NRG4: variants seen among roughly 807,000 people sequenced by gnomAD.
NRG4 encodes neuregulin 4, also known as pro-neuregulin-4, membrane-bound isoform.
NRG4 carries 10 observed loss-of-function variants against 15.0 expected under a neutral mutation model. The ratio of observed to expected loss-of-function variants is 0.67; its 90% CI spans 0.41 to 1.13. The LOEUF (loss-of-function observed/expected upper bound fraction) is 1.13. Ranked by LOEUF, NRG4 falls within the 50% of genes most tolerant of loss-of-function variation. NRG4 has a pLI of 0.00. For missense variants in NRG4, 139 were observed against 140.2 expected, an observed-to-expected ratio of 0.99 and a Z score of 0.04; for synonymous variants, 41 against 50.1, an observed-to-expected ratio of 0.82 and a Z score of 0.77.
At chr15:76,034,071 C>A (rs1247963642) in intron 5 of NRG4, among the ~76,000 whole-genome samples, 1 of 152,202 alleles carries the variant, frequency 6.6e-6, no homozygotes, top group African/African-American at 2.4e-5. Flanking sequence ...AGAAAGACAA[C>A]CCTACTGTCT....
chr15:76,059,369 C>G (rs1397744925), intron 1 of NRG4, among the ~76,000 whole-genome samples: 1 of 152,234 alleles, frequency 6.6e-6, no homozygotes, highest in Non-Finnish European at 1.5e-5. Context: ...GCAGCGGGCA[C>G]TGCGTGCCAT....
At chr15:75,969,102 C>T (rs1193336456) in intron 3 of NRG4, 2 of 442,246 alleles carry the variant, frequency 4.5e-6, no homozygotes, top group Admixed American at 4.9e-5. Context: ...CAGTTCTCAA[C>T]AGACAGTATT....
At chr15:76,058,958 C>T (rs74024076) in intron 1 of NRG4, among the ~76,000 whole-genome samples, 265 of 152,142 alleles carry the variant, frequency 1.7e-3, no homozygotes, top group African/African-American at 6.1e-3. Context: ...CCAGATTGCT[C>T]AGTGGTTCCG....
intron 3 of NRG4, among the ~76,000 whole-genome samples, chr15:75,970,444 G>A (rs1595969866): frequency 6.6e-6 from 1 of 152,016 alleles, no homozygotes; most frequent in East Asian, 1.9e-4. Context: ...TCCACCTATC[G>A]AAGACTGGGG....
chr15:76,044,509 G>A lies in NRG4; in HGVS notation c.-105+7558C>T, dbSNP rs560058789. Among the ~76,000 whole-genome samples the A allele has an allele frequency of 1.0e-4, 15 of 150,428 alleles. No individual in the cohort carries two copies. In the South Asian group the frequency reaches 2.9e-3, roughly 29 times the overall value. Reference sequence around the variant, plus strand: ...ACTATGAAACTACTAAAAAAAATTGGGGAAACTCTCTAGGACATTGGAGTG... The same window carrying A: ...ACTATGAAACTACTAAAAAAAATTGAGGAAACTCTCTAGGACATTGGAGTG... On this transcript the variant is annotated intron_variant, in intron 4 of 8. Coordinates refer to the NRG4 transcript ENST00000563910.
At chr15:76,007,721 G>T (rs771832690) in intron 3 of NRG4, among the ~76,000 whole-genome samples, 1 of 152,058 alleles carries the variant, frequency 6.6e-6, no homozygotes, top group Non-Finnish European at 1.5e-5. Context: ...GAGCCACCGC[G>T]CCCAACCTAA....
chr15:75,998,914 G>A (rs2034306443), intron 3 of NRG4, among the ~76,000 whole-genome samples: 1 of 152,078 alleles, frequency 6.6e-6, no homozygotes, highest in Admixed American at 6.6e-5. Context: ...TGATTCTAAA[G>A]TTCATATGGA....
Position 76,022,117 on chromosome 15 carries a change from T to G in NRG4, c.-56-10831A>C, listed in dbSNP as rs915721670. ...CCTGCTGCTCACCTGCTGTGTGGCCTGGTTCCTAATAGGCCACAGTCTGGT... is the reference window on the plus strand; with the variant it reads ...CCTGCTGCTCACCTGCTGTGTGGCCGGGTTCCTAATAGGCCACAGTCTGGT... On this transcript the variant is annotated intron_variant, in intron 5 of 8. Coordinates refer to the NRG4 transcript ENST00000563910. Among the ~76,000 whole-genome samples, 4 of 152,202 alleles carry G rather than the reference T, an allele frequency of 2.6e-5. 1 individual carries two copies. Among genetic ancestry groups the G allele is most frequent in the Admixed American group, 1.3e-4 (2 of 15,282 alleles).
chr15:75,961,690 C>A, intron 4 of NRG4, 138 bp downstream of exon 4: 1 of 611,048 alleles, frequency 1.6e-6, no homozygotes, highest in Admixed American at 2.7e-5. Context: ...AAATTAGTAA[C>A]AAAAACTGTA....
intron 3 of NRG4, among the ~76,000 whole-genome samples, chr15:75,989,133 C>G (rs548022778): frequency 5.9e-5 from 9 of 152,252 alleles, no homozygotes; most frequent in African/African-American, 1.9e-4. Context: ...GATTTGATTA[C>G]AGGCATGAGC....
intron 4 of NRG4, among the ~76,000 whole-genome samples, chr15:76,051,002 T>G (rs1476973581): frequency 1.4e-5 from 2 of 146,818 alleles, no homozygotes; most frequent in Non-Finnish European, 3.0e-5. Flanking sequence ...TATTTATTTA[T>G]TTATTTTTAT....
In NRG4 at chr15:76,007,861, C is replaced by CTTT. The variant is rs1567107174; in HGVS notation, c.104+1338_104+1339insAAA. ...TTGTGAGTTGTATTCAAAGGTGACA[C>CTTT]CTTTCTTCTTCCCAGCTATATGACC... On this transcript the variant is annotated intron_variant, in intron 3 of 5. Transcript: ENST00000394907. Among the ~76,000 whole-genome samples, 279 of 152,282 alleles carry CTTT rather than the reference C, an allele frequency of 1.8e-3. 6 individuals are homozygous for CTTT. The highest frequency in any genetic ancestry group is 6.1e-3 in the African/African-American group (254 of 41,564).
upstream of NRG4, among the ~76,000 whole-genome samples, chr15:76,017,177 T>TTG (rs1555437531): frequency 7.2e-6 from 1 of 137,946 alleles, no homozygotes; most frequent in South Asian, 2.3e-4. Context: ...TTTTTTTTTT[T>TTG]GCTTTCCATT....
intron 3 of NRG4, among the ~76,000 whole-genome samples, chr15:76,006,926 T>C (rs2034626499): frequency 6.6e-6 from 1 of 152,168 alleles, no homozygotes; most frequent in African/African-American, 2.4e-5. Flanking sequence ...AGTATACAGA[T>C]AGATATTAAG....
At position 76,025,256 on chromosome 15, in the gene NRG4, G is replaced by A. The variant is rs140714424; in HGVS notation, c.-57+10688C>T. Among the ~76,000 whole-genome samples the A allele has an allele frequency of 3.6e-3, 550 of 151,944 alleles. 3 individuals are homozygous for A. Among genetic ancestry groups the A allele is most frequent in the African/African-American group, 0.012 (508 of 41,442 alleles). On this transcript the variant is annotated intron_variant, in intron 5 of 8. Transcript: ENST00000563910. The stretch of plus-strand genomic sequence containing the variant: ...AGATCGAGACCATCCTGGCTAACAC[G>A]GTGAAACCCCGTCTCTATTAAAAAT...
chr15:75,943,758 C>T (rs528460153), intron 5 of NRG4, 104 bp from the exon 6 acceptor site: 6 of 752,436 alleles, frequency 8.0e-6, no homozygotes, highest in African/African-American at 5.4e-5. Flanking sequence ...TATAAGCCAA[C>T]CCCTTCTGTT....
intron 3 of NRG4, among the ~76,000 whole-genome samples, chr15:75,986,307 C>T (rs73449072): frequency 2.0e-5 from 3 of 152,130 alleles, no homozygotes. Context: ...TATGCATATA[C>T]CCTTTGACCC....
chr15:76,040,305 A>G (rs1277225966), intron 4 of NRG4, among the ~76,000 whole-genome samples: 1 of 152,180 alleles, frequency 6.6e-6, no homozygotes, highest in African/African-American at 2.4e-5. Context: ...TTACCCTAGA[A>G]TAGTATAATG....
At chr15:76,022,850 T>C (rs559961846) in intron 5 of NRG4, among the ~76,000 whole-genome samples, 1 of 152,252 alleles carries the variant, frequency 6.6e-6, no homozygotes, top group Admixed American at 6.5e-5. Flanking sequence ...AATTGGAATC[T>C]GCTGAGGAAA....
Sources: allele counts gnomAD v4.1 joint callset (sites outside exome capture counted in the v4.1 genomes callset), GRCh38; gene constraint gnomAD v4.1.1; transcripts MANE v1.5; gene names NCBI Gene and HGNC (gene_info 2026-07-23, HGNC 2026-07-21).